The following C19orf12 variants were observed in gnomAD, a reference collection of about 807,000 sequenced individuals.
The protein encoded by C19orf12 is protein C19orf12.
A neutral mutation model predicts 3.8 loss-of-function variants in C19orf12; 2 were observed. The observed-to-expected ratio is 0.53, with a 90% CI of 0.22 to 1.66. The LOEUF is 1.66. Among genes scored for constraint, C19orf12 ranks in the 40% most tolerant of loss-of-function variants. C19orf12 has a pLI of 0.20. For synonymous variants in C19orf12, 89 were observed against 84.6 expected, an observed-to-expected ratio of 1.05 and a Z score of -0.28; for missense variants, 156 against 188.8, an observed-to-expected ratio of 0.83 and a Z score of 1.02.
Position 29,700,021 on chromosome 19 carries a change from T to C in C19orf12, c.*2691A>G, listed in dbSNP as rs113017735. On this transcript the variant is annotated 3_prime_UTR_variant, in exon 3 of 3. Coordinates refer to ENST00000323670, the MANE Select transcript of C19orf12 (RefSeq NM_031448.6). ...CACCCCAGGACCCAGCTAGTTCCAG[T>C]GTCTTCACTCAGCAAGGCCTGCTCC... 4.2e-3 allele frequency: 1,887 copies of C among 453,986 alleles called. 31 individuals carry two copies. The highest frequency in any genetic ancestry group is 0.035 in the African/African-American group (1,745 of 50,076). 28.1% of individuals were successfully genotyped at this position (453,986 alleles called of 1,614,324 possible). A position where few individuals can be genotyped will look rare whatever the true frequency, so the allele number is the denominator to read the frequency against.
chr19:29,708,138 C>G, intron 2 of C19orf12, 116 bp downstream of exon 2: 5 of 1,480,874 alleles, frequency 3.4e-6, no homozygotes, highest in Non-Finnish European at 4.6e-6. Flanking sequence ...CTCGGCCTCC[C>G]AAAGTGCTGG....
Position 29,700,086 on chromosome 19 carries a change from C to T in C19orf12, c.*2626G>A, listed in dbSNP as rs1971996394. ...TGATCAGGAGTTGGACCATCTCCTC[C>T]CTGGGCATTTTTCCCTGCAGTAGGG... On this transcript the variant is annotated 3_prime_UTR_variant, in exon 3 of 3. Coordinates refer to ENST00000323670, the MANE Select transcript of C19orf12 (RefSeq NM_031448.6). 1 of 453,948 alleles carries T rather than the reference C, an allele frequency of 2.2e-6. No homozygotes were observed. Among genetic ancestry groups the T allele is most frequent in the Non-Finnish European group, 4.4e-6 (1 of 226,800 alleles). The allele number at this position is 453,948 out of a possible 1,614,324, so 28.1% of individuals were successfully genotyped here.
rs1295446776 is a variant in C19orf12, at chr19:29,699,364, T to G, written c.*3348A>C. On this transcript the variant is annotated 3_prime_UTR_variant, in exon 3 of 3. Transcript: ENST00000323670. ...CGGGCATGGTGGCGGGCGACTGTAGTCAAAGCTACTCGGGAGGCTGAGGCA... is the reference window on the plus strand; with the variant it reads ...CGGGCATGGTGGCGGGCGACTGTAGGCAAAGCTACTCGGGAGGCTGAGGCA... The G allele has an allele frequency of 1.3e-5, 5 of 372,782 alleles. No homozygotes were observed. The highest frequency in any genetic ancestry group is 1.0e-4 in the South Asian group (5 of 47,966). 23.1% of individuals were successfully genotyped at this position (372,782 alleles called of 1,614,324 possible).
At chr19:29,707,111 C>T (rs2145635815) in intron 2 of C19orf12, among the ~76,000 whole-genome samples, 1 of 152,338 alleles carries the variant, frequency 6.6e-6, no homozygotes, top group South Asian at 2.1e-4. Flanking sequence ...AATCCTAGCA[C>T]TTCGGGAGGC....
intron 1 of C19orf12, among the ~76,000 whole-genome samples, chr19:29,711,365 T>C (rs887242855): frequency 2.6e-5 from 4 of 152,166 alleles, no homozygotes; most frequent in African/African-American, 9.7e-5. Flanking sequence ...TTGAAGTACA[T>C]ATTAAAGTAA....
In C19orf12 at chr19:29,699,187, G is replaced by C; in HGVS notation, c.*3525C>G. 2.2e-6 allele frequency: 1 copy of C among 453,866 alleles called. No homozygotes were observed. Among genetic ancestry groups the C allele is most frequent in the Non-Finnish European group, 4.4e-6 (1 of 226,740 alleles). The allele number at this position is 453,866 out of a possible 1,614,324, so 28.1% of individuals were successfully genotyped here. A position where few individuals can be genotyped will look rare whatever the true frequency, so the allele number is the denominator to read the frequency against. On this transcript the variant is annotated 3_prime_UTR_variant, in exon 3 of 3. Transcript: ENST00000323670. ...GTACGTTAGAAATATACATACATAGGCCGGGCGCAGTGGCTCACGCCTGTA... is the reference window on the plus strand; with the variant it reads ...GTACGTTAGAAATATACATACATAGCCCGGGCGCAGTGGCTCACGCCTGTA...
At chr19:29,703,378 C>CTTTTTTTTTTTTT (rs1165470646) in intron 2 of C19orf12, among the ~76,000 whole-genome samples, 1 of 128,382 alleles carries the variant, frequency 7.8e-6, no homozygotes, top group African/African-American at 2.8e-5. Flanking sequence ...TTTTTCTTTT[C>CTTTTTTTTTTTTT]TTTTTTTTTT....
intron 2 of C19orf12, among the ~76,000 whole-genome samples, chr19:29,707,595 G>C (rs1018123043): frequency 6.6e-6 from 1 of 152,170 alleles, no homozygotes; most frequent in Non-Finnish European, 1.5e-5. Context: ...AGGACACCCT[G>C]GTATCTTCAG....
Position 29,702,532 on chromosome 19 carries a change from G to T in C19orf12, c.*180C>A. ...GCCACCAACACATGCTGCTTCATCAGTAATTTCTGGAACATGACACTGCAC... is the reference window on the plus strand; with the variant it reads ...GCCACCAACACATGCTGCTTCATCATTAATTTCTGGAACATGACACTGCAC... On this transcript the variant is annotated 3_prime_UTR_variant, in exon 3 of 3. Transcript: ENST00000323670. 1.2e-6 allele frequency: 1 copy of T among 851,318 alleles called. No individual in the cohort carries two copies. The highest frequency in any genetic ancestry group is 1.9e-6 in the Non-Finnish European group (1 of 515,680). 52.7% of individuals were successfully genotyped at this position (851,318 alleles called of 1,614,324 possible). A position where few individuals can be genotyped will look rare whatever the true frequency, so the allele number is the denominator to read the frequency against.
At chr19:29,708,538 G>A in intron 1 of C19orf12, 115 bp from the exon 2 acceptor site, 1 of 1,321,836 alleles carries the variant, frequency 7.6e-7, no homozygotes, top group Non-Finnish European at 1.1e-6. Flanking sequence ...GGAAAGCTCA[G>A]CAGCTCCAAG....
At chr19:29,715,271 C>A, upstream of C19orf12, 2 of 398,576 alleles carry the variant, frequency 5.0e-6, no homozygotes. Context: ...TGGCCCCGCC[C>A]TCCGTCCCAC....
chr19:29,708,746 C>T, intron 1 of C19orf12: 1 of 399,258 alleles, frequency 2.5e-6, no homozygotes. Context: ...GGTGGTCTGA[C>T]CCTTCTGGCA....
At chr19:29,703,027 G>T in intron 2 of C19orf12, 50 bp from the exon 3 acceptor site, 1 of 1,612,282 alleles carries the variant, frequency 6.2e-7, no homozygotes, top group Non-Finnish European at 8.5e-7. Flanking sequence ...ATAAGCGATG[G>T]CCTTACTTAA....
chr19:29,708,203 CT>C, intron 2 of C19orf12, 50 bp downstream of exon 2: 1 of 1,602,170 alleles, frequency 6.2e-7, no homozygotes, highest in Non-Finnish European at 8.5e-7. Context: ...TTCAACGGCC[CT>C]TTTATGACAT....
intron 2 of C19orf12, among the ~76,000 whole-genome samples, chr19:29,705,958 C>A (rs1020974706): frequency 6.6e-6 from 1 of 152,212 alleles, no homozygotes; most frequent in African/African-American, 2.4e-5. Context: ...TGAAAAGTTT[C>A]TTTCAAAAAT....
At chr19:29,708,112 C>G (rs1972474616) in intron 2 of C19orf12, 142 bp downstream of exon 2, 1 of 1,136,844 alleles carries the variant, frequency 8.8e-7, no homozygotes, top group South Asian at 1.3e-5. Context: ...CTCCTGACCT[C>G]AGGTGATCCG....
chr19:29,705,184 C>T, intron 2 of C19orf12: 1 of 231,598 alleles, frequency 4.3e-6, no homozygotes, highest in Admixed American at 4.9e-5. Context: ...GGCATGTCAC[C>T]TCCCAGGCAT....
chr19:29,714,242 C>T (rs896671603), intron 1 of C19orf12, among the ~76,000 whole-genome samples: 1 of 152,100 alleles, frequency 6.6e-6, no homozygotes, highest in Non-Finnish European at 1.5e-5. Context: ...CGTCTGTAAT[C>T]CCAGCATTGC....
chr19:29,707,335 C>G (rs111556903), intron 2 of C19orf12, among the ~76,000 whole-genome samples: 2 of 152,054 alleles, frequency 1.3e-5, no homozygotes, highest in Non-Finnish European at 1.5e-5. Flanking sequence ...CCAGTGTGGG[C>G]GACAGAATGA....
Sources: gnomAD v4.1 joint callset for allele counts (sites outside exome capture counted in the v4.1 genomes callset) on GRCh38, gnomAD v4.1.1 for gene constraint, MANE v1.5 for transcripts, NCBI Gene and HGNC (gene_info 2026-07-23, HGNC 2026-07-21) for gene names.